SEL1L3: variants seen among roughly 807,000 people sequenced by gnomAD.
SEL1L3 encodes the protein SEL1L family member 3, also known as protein sel-1 homolog 3.
In SEL1L3, 76 loss-of-function variants were observed where a neutral mutation model predicts 142.8. The observed-to-expected ratio is 0.53, with a 90% CI of 0.44 to 0.64. SEL1L3 has a LOEUF of 0.64. Among genes scored for constraint, SEL1L3 ranks in the 30% least tolerant of loss-of-function variants. SEL1L3 has a pLI of 0.00. For synonymous variants in SEL1L3, 504 were observed against 519.6 expected (o/e 0.97, Z 0.41); for missense variants, 1,262 against 1,381.7 (o/e 0.91, Z 1.37).
chr4:25,725,970 C>T, the SEL1L3 span, among the ~76,000 whole-genome samples: 9,716 of 152,090 alleles, frequency 0.064, 603 homozygotes, highest in African/African-American at 0.16. Context: ...TCCTCGTGAC[C>T]GGTATCTTGT....
At chr4:25,793,167 G>A (rs143342376) in intron 11 of SEL1L3, among the ~76,000 whole-genome samples, 62 of 152,314 alleles carry the variant, frequency 4.1e-4, no homozygotes, top group African/African-American at 1.3e-3. Flanking sequence ...TTCAAATTGA[G>A]GAGTCAAATC....
At chr4:25,733,362 T>A in the SEL1L3 span, among the ~76,000 whole-genome samples, 1,421 of 152,222 alleles carry the variant, frequency 9.3e-3, 10 homozygotes, top group Non-Finnish European at 0.014. Flanking sequence ...TCAGTATTTC[T>A]TATTGTGTGA....
chr4:25,784,858 C>G (rs899153674), intron 13 of SEL1L3, among the ~76,000 whole-genome samples: 1 of 152,174 alleles, frequency 6.6e-6, no homozygotes, highest in African/African-American at 2.4e-5. Flanking sequence ...CAAGATTTTC[C>G]AGATGAGGTG....
intron 15 of SEL1L3, 112 bp downstream of exon 15, chr4:25,782,130 G>A (rs1720042077): frequency 1.1e-6 from 1 of 927,332 alleles, no homozygotes; most frequent in Non-Finnish European, 1.6e-6. Context: ...TGAGCTCCTC[G>A]AGGACAGGGA....
chr4:25,811,081 C>T (rs1437374121), intron 9 of SEL1L3, among the ~76,000 whole-genome samples: 2 of 152,208 alleles, frequency 1.3e-5, no homozygotes, highest in South Asian at 2.1e-4. Flanking sequence ...CCACAATTCT[C>T]ACTGTGGTCG....
At chr4:25,825,079 T>C (rs1283238223) in intron 6 of SEL1L3, among the ~76,000 whole-genome samples, 3 of 152,208 alleles carry the variant, frequency 2.0e-5, no homozygotes, top group East Asian at 3.8e-4. Context: ...TATATACATA[T>C]ATATGTTTTA....
intron 11 of SEL1L3, among the ~76,000 whole-genome samples, chr4:25,801,140 C>T (rs368500804): frequency 6.6e-6 from 1 of 152,242 alleles, no homozygotes; most frequent in Non-Finnish European, 1.5e-5. Flanking sequence ...CAGTGGCTCA[C>T]GCCTATAATC....
intron 13 of SEL1L3, among the ~76,000 whole-genome samples, chr4:25,787,792 C>T (rs1711955722): frequency 6.6e-6 from 1 of 152,166 alleles, no homozygotes. Context: ...GCTCTTCCCA[C>T]CCCTCTCCTG....
intron 11 of SEL1L3, among the ~76,000 whole-genome samples, chr4:25,791,126 A>G (rs1712306552): frequency 6.6e-6 from 1 of 152,260 alleles, no homozygotes; most frequent in South Asian, 2.1e-4. Flanking sequence ...ATACACATGC[A>G]AAATCAAAAA....
intron 16 of SEL1L3, chr4:25,777,657 G>A (rs1244342251): frequency 2.8e-6 from 1 of 362,752 alleles, no homozygotes; most frequent in Non-Finnish European, 5.4e-6. Flanking sequence ...TGATCACAGT[G>A]AAATTAAGCT....
chr4:25,776,502 G>A, intron 16 of SEL1L3, 142 bp from the exon 17 acceptor site: 3 of 603,066 alleles, frequency 5.0e-6, no homozygotes, highest in Non-Finnish European at 8.8e-6. Flanking sequence ...AGAACTGAAT[G>A]TTAAGGTAAA....
intron 5 of SEL1L3, among the ~76,000 whole-genome samples, chr4:25,831,532 A>T (rs933843187): frequency 1.4e-5 from 2 of 146,120 alleles, no homozygotes; most frequent in African/African-American, 5.0e-5. Context: ...TATTATTATT[A>T]TTATTATTAT....
chr4:25,774,800 G>A (rs564405996), intron 17 of SEL1L3, among the ~76,000 whole-genome samples: 3 of 152,220 alleles, frequency 2.0e-5, no homozygotes, highest in African/African-American at 7.2e-5. Context: ...AGCCAAGATC[G>A]TGCCACTGCA....
chr4:25,820,921 C>G (rs1419389513), intron 7 of SEL1L3, among the ~76,000 whole-genome samples: 1 of 152,100 alleles, frequency 6.6e-6, no homozygotes, highest in Non-Finnish European at 1.5e-5. Context: ...TTAGTAGACA[C>G]GGGGTTTCAC....
intron 6 of SEL1L3, among the ~76,000 whole-genome samples, chr4:25,826,314 A>G (rs757453005): frequency 7.2e-5 from 11 of 152,214 alleles, no homozygotes; most frequent in Non-Finnish European, 1.0e-4. Flanking sequence ...CCGAGCACTT[A>G]ATTCCTGATC....
intron 11 of SEL1L3, among the ~76,000 whole-genome samples, chr4:25,797,253 A>G (rs906492744): frequency 2.0e-5 from 3 of 151,264 alleles, no homozygotes; most frequent in Admixed American, 1.3e-4. Flanking sequence ...GCAGCCCCAC[A>G]TTTTCCAGGA....
the SEL1L3 span, among the ~76,000 whole-genome samples, chr4:25,727,333 T>G: frequency 6.6e-6 from 1 of 152,168 alleles, no homozygotes; most frequent in Non-Finnish European, 1.5e-5. Context: ...ATTACAGGCA[T>G]GAGCCACCAT....
At chr4:25,815,099 G>C (rs1429373998) in intron 9 of SEL1L3, among the ~76,000 whole-genome samples, 2 of 152,212 alleles carry the variant, frequency 1.3e-5, no homozygotes, top group African/African-American at 4.8e-5. Context: ...GAAGAGGAAG[G>C]CAGCTGGCCA....
the SEL1L3 span, among the ~76,000 whole-genome samples, chr4:25,740,835 A>G: frequency 6.6e-6 from 1 of 151,844 alleles, no homozygotes; most frequent in Admixed American, 6.6e-5. Context: ...GCCAGGCTGG[A>G]GTGCAATGGT....
Sources: gnomAD v4.1 joint callset for allele counts (sites outside exome capture counted in the v4.1 genomes callset) on GRCh38, gnomAD v4.1.1 for gene constraint, MANE v1.5 for transcripts, NCBI Gene and HGNC (gene_info 2026-07-23, HGNC 2026-07-21) for gene names.